Variants in NOL8 observed in about 807,000 individuals in gnomAD.
NOL8 encodes nucleolar protein 8.
Under a neutral mutation model 116.1 loss-of-function variants are expected in NOL8, and 93 were observed. The observed-to-expected ratio is 0.80, with a 90% CI of 0.68 to 0.95. The LOEUF (loss-of-function observed/expected upper bound fraction) is 0.95. NOL8 is among the 40% of genes least tolerant of loss of function. The pLI is 0.00. For missense variants in NOL8, 1,291 were observed against 1,382.8 expected (o/e 0.93, Z 1.05); for synonymous variants, 419 against 469.0 (o/e 0.89, Z 1.38).
At position 92,311,145 on chromosome 9, in the gene NOL8, C is replaced by T; in HGVS notation, c.2472+1G>A. The T allele has an allele frequency of 6.2e-7, 1 of 1,609,148 alleles. No individual in the cohort carries two copies. The highest frequency in any genetic ancestry group is 1.7e-5 in the Admixed American group (1 of 59,946). ...CCACAGAGACATCCTGAACTTCTTACTTTCACCCATTCCTCTCCTGGATGG... is the reference window on the plus strand; with the variant it reads ...CCACAGAGACATCCTGAACTTCTTATTTTCACCCATTCCTCTCCTGGATGG... On this transcript the variant is annotated splice_donor_variant, in intron 8 of 16. Transcript: ENST00000442668. LOFTEE classifies it high-confidence loss of function.
intron 12 of NOL8, 118 bp from the exon 13 acceptor site, chr9:92,301,940 T>A (rs1837789018): frequency 5.3e-6 from 4 of 748,486 alleles, no homozygotes; most frequent in Admixed American, 7.0e-5. Context: ...ACAACCAGAA[T>A]ATAAAACTCT....
Position 92,298,296 on chromosome 9 carries a change from GC to G in NOL8, c.3413del (p.Ser1138ThrfsTer27). Reference protein sequence around the residue: ...LFWRGVGSNMSRNSWEARTTN... With the variant: ...LFWRGVGSNMXRNSWEARTTN... ...TTGTTCTGGCCTCCCAAGAGTTCCT[GC>G]TCATATTACTTCCTACTCCTCTCCA... On this transcript the variant is annotated frameshift_variant, in exon 16 of 17. Coordinates refer to ENST00000442668, the MANE Select transcript of NOL8 (RefSeq NM_017948.6). LOFTEE classifies it high-confidence loss of function. The G allele has an allele frequency of 6.2e-7, 1 of 1,609,384 alleles. No individual in the cohort carries two copies. Among genetic ancestry groups the G allele is most frequent in the Non-Finnish European group, 8.5e-7 (1 of 1,177,920 alleles).
intron 6 of NOL8, among the ~76,000 whole-genome samples, chr9:92,317,524 G>A (rs980578962): frequency 1.3e-5 from 2 of 152,226 alleles, no homozygotes; most frequent in Non-Finnish European, 2.9e-5. Context: ...AGTGGTTTCA[G>A]TGGCACAGTA....
Position 92,301,770 on chromosome 9 carries a change from A to G in NOL8, c.2956T>C (p.Ser986Pro). 7 of 1,602,556 alleles carry G rather than the reference A, an allele frequency of 4.4e-6. No individual in the cohort carries two copies. Among genetic ancestry groups the G allele is most frequent in the East Asian group, 2.2e-5 (1 of 44,682 alleles). ...GCAATATTATAATACATTTCTTTAG[A>G]CACCTCAGGTAGTTTCTCAGCTTCC... ...REEAEKLPEV[S>P]KEMYYNIAMD... The change falls in exon 13 of 17, where the codon TCT (serine) becomes CCT (proline). Residue 986 changes from serine (S) to proline (P), a missense_variant. Transcript: ENST00000442668.
At position 92,314,979 on chromosome 9, in the gene NOL8, A is replaced by G. The variant is rs1210926975; in HGVS notation, c.1646T>C (p.Leu549Ser). ...GCCACAGGTGTTCTCCTCTCCTTCTAACAGGGAAGCCACAATCTCCGCAGG... is the reference window on the plus strand; with the variant it reads ...GCCACAGGTGTTCTCCTCTCCTTCTGACAGGGAAGCCACAATCTCCGCAGG... ...IRPAEIVASL[L>S]EGEENTCGKQ... The change falls in exon 7 of 17, where the codon TTA (leucine) becomes TCA (serine). Residue 549 changes from leucine to serine, a missense_variant. Physicochemically the swap from Leu to Ser is moderately radical, Grantham distance 145. Transcript: ENST00000442668. The G allele has an allele frequency of 6.2e-7, 1 of 1,613,958 alleles. No homozygotes were observed. Among genetic ancestry groups the G allele is most frequent in the South Asian group, 1.1e-5 (1 of 91,078 alleles).
In NOL8 at chr9:92,320,029, A is replaced by G. The variant is rs1202044287; in HGVS notation, c.282-673T>C. 5 of 455,170 alleles carry G rather than the reference A, an allele frequency of 1.1e-5. No individual in the cohort carries two copies. The East Asian group carries it at 3.5e-4, about 32-fold the overall frequency. 28.2% of individuals were successfully genotyped at this position (455,170 alleles called of 1,614,324 possible). A position where few individuals can be genotyped will look rare whatever the true frequency, so the allele number is the denominator to read the frequency against. On this transcript the variant is annotated intron_variant, in intron 4 of 16. Coordinates refer to ENST00000442668, the MANE Select transcript of NOL8 (RefSeq NM_017948.6). ...CAAGTTCTCTCAATTTTCCCCTTTC[A>G]ATTTATATACGTTTGGCATTTTATA...
intron 8 of NOL8, chr9:92,310,890 G>T: frequency 1.7e-6 from 1 of 584,422 alleles, no homozygotes; most frequent in South Asian, 2.3e-5. Context: ...CCTGGATTTG[G>T]GGAGGTAGTT....
At position 92,298,239 on chromosome 9, in the gene NOL8, G is replaced by A; in HGVS notation, c.3453+18C>T. The A allele has an allele frequency of 6.4e-7, 1 of 1,571,308 alleles. No individual in the cohort carries two copies. The highest frequency in any genetic ancestry group is 8.7e-7 in the Non-Finnish European group (1 of 1,150,500). On this transcript the variant is annotated intron_variant, in intron 16 of 16. Transcript: ENST00000442668. Reference sequence around the variant, plus strand: ...ACATGTCTATTTTAGGAAATAATATGGAGAAACAATTACTCACCATACGCA... The same window carrying A: ...ACATGTCTATTTTAGGAAATAATATAGAGAAACAATTACTCACCATACGCA...
chr9:92,301,197 T>C (rs746719967), intron 13 of NOL8, among the ~76,000 whole-genome samples: 10 of 152,254 alleles, frequency 6.6e-5, no homozygotes, highest in Non-Finnish European at 1.5e-4. Flanking sequence ...TATATAGCAC[T>C]AGTTTTCCAT....
intron 10 of NOL8, among the ~76,000 whole-genome samples, chr9:92,308,019 T>C (rs1430023623): frequency 1.3e-5 from 2 of 152,190 alleles, no homozygotes; most frequent in Non-Finnish European, 2.9e-5. Flanking sequence ...GGGAAGTAGA[T>C]TATAATGCTG....
In NOL8 at chr9:92,314,678, GGTCT is replaced by G. The variant is rs763568326; in HGVS notation, c.1943_1946del (p.Gln648ProfsTer28). On this transcript the variant is annotated frameshift_variant, in exon 7 of 17. Transcript: ENST00000442668. LOFTEE classifies it high-confidence loss of function. ...CCTTGCGATCCTGGCTTTCAAAAGT[GGTCT>G]GTCTTTTTTGAGGCTGAATATAGTT... The G allele has an allele frequency of 3.2e-5, 52 of 1,613,566 alleles. No homozygotes were observed. The highest frequency in any genetic ancestry group is 1.2e-4 in the African/African-American group (9 of 74,922).
intron 2 of NOL8, 133 bp downstream of exon 2, chr9:92,323,890 C>T: frequency 2.1e-6 from 2 of 974,864 alleles, no homozygotes; most frequent in Admixed American, 3.0e-5. Flanking sequence ...CCACATCACA[C>T]ATTATACCTC....
rs775514269 is a variant in NOL8 at position 92,316,088 on chromosome 9, C to A, written c.537G>T (p.Gly179=). 3.1e-6 allele frequency: 5 copies of A among 1,613,888 alleles called. No homozygotes were observed. In the South Asian group the frequency reaches 5.5e-5, roughly 18 times the overall value. The change falls in exon 7 of 17, where the codon GGG becomes GGT. Residue 179 remains glycine (G), a synonymous_variant. Transcript: ENST00000442668. Reference sequence around the variant, plus strand: ...TAGGAATGGTGTTTGAGAAATCCTCCCCTATCTTCTTCAGGTTGTGGCAGT... The same window carrying A: ...TAGGAATGGTGTTTGAGAAATCCTCACCTATCTTCTTCAGGTTGTGGCAGT... ...SKYCHNLKKI[G]EDFSNTIPIS...
In NOL8 at chr9:92,314,361, G is replaced by C. The variant is rs1010984538; in HGVS notation, c.2264C>G (p.Ala755Gly). 6.2e-7 allele frequency: 1 copy of C among 1,613,124 alleles called. No individual in the cohort carries two copies. The highest frequency in any genetic ancestry group is 1.3e-5 in the African/African-American group (1 of 75,034). Residue 755 changes from alanine (A) to glycine (G), a missense_variant, in exon 7 of 17, where the codon GCT (alanine) becomes GGT (glycine). Physicochemically the swap from Ala to Gly is moderately conservative, Grantham distance 60 (BLOSUM62 0). Transcript: ENST00000442668. Reference sequence around the variant, plus strand: ...TGCCAAACGCTTCTCATTGTCTTCAGCATGCTTATCTTTAGCACTCACATC... The same window carrying C: ...TGCCAAACGCTTCTCATTGTCTTCACCATGCTTATCTTTAGCACTCACATC... Reference protein sequence around the residue: ...SSDVSAKDKHAEDNEKRLAAL... With the variant: ...SSDVSAKDKHGEDNEKRLAAL...
intron 7 of NOL8, among the ~76,000 whole-genome samples, chr9:92,313,152 A>G (rs775782923): frequency 8.6e-5 from 13 of 152,044 alleles, no homozygotes; most frequent in Non-Finnish European, 2.9e-5. Flanking sequence ...TCCTCTTTCT[A>G]TCCCTATCCA....
Position 92,315,719 on chromosome 9 carries a change from A to AG in NOL8, c.905dup (p.Asp303Ter). ...TCATTCTCAATTCATCTTCAGAATC[A>AG]GTATCATCATCAGAAATGCTGTTTC... On this transcript the variant is annotated frameshift_variant, in exon 7 of 17. Transcript: ENST00000442668. LOFTEE classifies it high-confidence loss of function. The AG allele has an allele frequency of 6.2e-7, 1 of 1,613,024 alleles. No individual in the cohort carries two copies. Among genetic ancestry groups the AG allele is most frequent in the Non-Finnish European group, 8.5e-7 (1 of 1,179,376 alleles).
intron 12 of NOL8, among the ~76,000 whole-genome samples, chr9:92,304,308 T>C (rs907863203): frequency 6.6e-6 from 1 of 152,248 alleles, no homozygotes; most frequent in Non-Finnish European, 1.5e-5. Context: ...TTTTCTTTCA[T>C]TGAACAGTAC....
chr9:92,298,255 A>G lies in NOL8; in HGVS notation c.3453+2T>C. 2 of 1,594,612 alleles carry G rather than the reference A, an allele frequency of 1.3e-6. No homozygotes were observed. Among genetic ancestry groups the G allele is most frequent in the Non-Finnish European group, 1.7e-6 (2 of 1,167,334 alleles). On this transcript the variant is annotated splice_donor_variant, in intron 16 of 16. Transcript: ENST00000442668. LOFTEE classifies it high-confidence loss of function. The stretch of plus-strand genomic sequence containing the variant: ...AAATAATATGGAGAAACAATTACTC[A>G]CCATACGCAGGTTGGTTGTTCTGGC...
chr9:92,316,827 T>C (rs762378016), intron 6 of NOL8, among the ~76,000 whole-genome samples: 11 of 152,216 alleles, frequency 7.2e-5, no homozygotes, highest in Non-Finnish European at 1.3e-4. Flanking sequence ...ATCTAATAAA[T>C]CTTTACCAGG....
Sources: allele counts gnomAD v4.1 joint callset (sites outside exome capture counted in the v4.1 genomes callset), GRCh38; gene constraint gnomAD v4.1.1; transcripts MANE v1.5; gene names NCBI Gene and HGNC (gene_info 2026-07-23, HGNC 2026-07-21).